The following PTPRJ variants were observed in gnomAD, a reference collection of about 807,000 sequenced individuals.
The protein encoded by PTPRJ is protein tyrosine phosphatase receptor type J.
Under a neutral mutation model 141.3 loss-of-function variants are expected in PTPRJ, and 129 were observed. The ratio of observed to expected loss-of-function variants is 0.91; its 90% CI spans 0.79 to 1.06. The LOEUF (loss-of-function observed/expected upper bound fraction) is 1.06, where lower values mean the gene tolerates loss of function less well. PTPRJ is among the 50% of genes least tolerant of loss of function. PTPRJ has a pLI of 0.00. For missense variants in PTPRJ, 1,601 were observed against 1,679.7 expected, an observed-to-expected ratio of 0.95 and a Z score of 0.82; for synonymous variants, 610 against 640.5, an observed-to-expected ratio of 0.95 and a Z score of 0.72.
At chr11:48,066,751 A>T (rs1270142240) in intron 1 of PTPRJ, among the ~76,000 whole-genome samples, 1 of 151,672 alleles carries the variant, frequency 6.6e-6, no homozygotes, top group East Asian at 1.9e-4. Flanking sequence ...ATGTCCAACT[A>T]ATTTTTTTAT....
chr11:48,113,098 A>C lies in PTPRJ; in HGVS notation c.352+115A>C, dbSNP rs374553685. The stretch of plus-strand genomic sequence containing the variant: ...TAATTACCTAAGAAAATCTTTTTAA[A>C]AATTTTTATAAAGATAGTAATGCAT... On this transcript the variant is annotated intron_variant, in intron 3 of 24. Transcript: ENST00000418331. The C allele has an allele frequency of 1.1e-3, 923 of 839,418 alleles. 3 individuals carry two copies. The highest frequency in any genetic ancestry group is 1.4e-3 in the Non-Finnish European group (779 of 551,894). The allele number at this position is 839,418 out of a possible 1,614,324, so 52.0% of individuals were successfully genotyped here. A position where few individuals can be genotyped will look rare whatever the true frequency, so the allele number is the denominator to read the frequency against.
In PTPRJ at chr11:48,047,434, G is replaced by A. The variant is rs1271230712; in HGVS notation, c.97-62624G>A. ...CCTGCTGCAGGGGTCTCCCGGTTAG[G>A]GTTAGGGTGAAAAGCTTTTTAAAAT... On this transcript the variant is annotated intron_variant, in intron 1 of 24. Coordinates refer to ENST00000418331, the MANE Select transcript of PTPRJ (RefSeq NM_002843.4). 2.6e-5 allele frequency among the ~76,000 whole-genome samples: 4 copies of A among 152,186 alleles called. No homozygotes were observed. In the East Asian group the frequency reaches 7.7e-4, roughly 29 times the overall value.
chr11:48,124,785 G>A (rs564099685), intron 5 of PTPRJ, among the ~76,000 whole-genome samples, 183 bp from the exon 6 acceptor site: 1 of 152,322 alleles, frequency 6.6e-6, no homozygotes, highest in South Asian at 2.1e-4. Flanking sequence ...AAATGGAGAT[G>A]GAGCTATCAG....
intron 1 of PTPRJ, among the ~76,000 whole-genome samples, chr11:48,098,924 T>C (rs916283508): frequency 1.3e-5 from 2 of 152,220 alleles, no homozygotes; most frequent in African/African-American, 4.8e-5. Context: ...TGTTCTTAAA[T>C]TGGGTTGATT....
In PTPRJ at chr11:48,003,775, C is replaced by T. The variant is rs575487034; in HGVS notation, c.96+22767C>T. 3.4e-3 allele frequency among the ~76,000 whole-genome samples: 522 copies of T among 152,260 alleles called. 4 individuals carry two copies. The highest frequency in any genetic ancestry group is 3.9e-3 in the Non-Finnish European group (266 of 68,016). On this transcript the variant is annotated intron_variant, in intron 1 of 24. Transcript: ENST00000418331. ...CTCCTCAAAGTGTTGGGATTACAGG[C>T]GTGAGCCACCGTGCCCAGCCAATAT...
At chr11:48,015,420 C>T (rs1447877551) in intron 1 of PTPRJ, among the ~76,000 whole-genome samples, 3 of 152,092 alleles carry the variant, frequency 2.0e-5, no homozygotes, top group African/African-American at 7.2e-5. Context: ...ATGTGCTGAT[C>T]TTACCCCAAC....
chr11:48,043,856 C>T (rs753072524), intron 1 of PTPRJ, among the ~76,000 whole-genome samples: 3 of 152,110 alleles, frequency 2.0e-5, no homozygotes, highest in Admixed American at 6.5e-5. Flanking sequence ...GTGGAGGAAG[C>T]GGGGGTTTAA....
chr11:48,155,747 A>G, intron 19 of PTPRJ, 54 bp from the exon 20 acceptor site: 2 of 1,439,212 alleles, frequency 1.4e-6, no homozygotes, highest in South Asian at 1.2e-5. Context: ...TTTGTGTCCA[A>G]CTTTACTAAA....
intron 1 of PTPRJ, among the ~76,000 whole-genome samples, chr11:48,036,860 C>T (rs955386410): frequency 6.6e-6 from 1 of 152,234 alleles, no homozygotes; most frequent in Admixed American, 6.5e-5. Context: ...AGCTGCTTCT[C>T]ACCTGGGTAG....
At chr11:48,132,364 CA>C (rs982073000) in intron 8 of PTPRJ, 37 of 971,716 alleles carry the variant, frequency 3.8e-5, no homozygotes, top group South Asian at 1.9e-4. Context: ...GACCCTGTCT[CA>C]AAAAAAAATT....
In PTPRJ at chr11:48,093,764, T is replaced by C. The variant is rs772734016; in HGVS notation, c.97-16294T>C. On this transcript the variant is annotated intron_variant, in intron 1 of 24. Transcript: ENST00000418331. The stretch of plus-strand genomic sequence containing the variant: ...GAGTTTATTTGGGTTTCTTATAAAA[T>C]GTAATTTCTCAAGAAGATTTTGCTG... Among the ~76,000 whole-genome samples, 73 of 148,860 alleles carry C rather than the reference T, an allele frequency of 4.9e-4. 2 individuals carry two copies. The highest frequency in any genetic ancestry group is 1.0e-4 in the Non-Finnish European group (7 of 67,058).
rs188715615 is a variant in PTPRJ, at chr11:48,064,690, G to A, written c.97-45368G>A. ...GAGATCTCAGTTCACTGCAACCACC[G>A]CCTCCTGGGTTCAAGCAATTCTCCT... On this transcript the variant is annotated intron_variant, in intron 1 of 24. Coordinates refer to ENST00000418331, the MANE Select transcript of PTPRJ (RefSeq NM_002843.4). Among the ~76,000 whole-genome samples the A allele has an allele frequency of 2.6e-4, 39 of 152,028 alleles. No homozygotes were observed. The East Asian group carries it at 5.8e-3, about 23-fold the overall frequency.
In PTPRJ at chr11:48,112,883, T is replaced by A; in HGVS notation, c.252T>A (p.Ser84Arg). ...TGTPQVETNTSEDGESSGAND... is the reference protein window; with the variant it reads ...TGTPQVETNTREDGESSGAND... ...CACCTCAGGTGGAAACAAACACCAG[T>A]GAGGATGGTGAAAGCTCTGGAGCCA... The change falls in exon 3 of 25, where the codon AGT (serine) becomes AGA (arginine). Residue 84 changes from serine (S) to arginine (R), a missense_variant. Coordinates refer to ENST00000418331, the MANE Select transcript of PTPRJ (RefSeq NM_002843.4). 1 of 1,613,886 alleles carries A rather than the reference T, an allele frequency of 6.2e-7. No individual in the cohort carries two copies. The highest frequency in any genetic ancestry group is 8.5e-7 in the Non-Finnish European group (1 of 1,179,910).
chr11:48,119,018 C>CAAAAAAA (rs59349969), intron 3 of PTPRJ, among the ~76,000 whole-genome samples: 11 of 87,048 alleles, frequency 1.3e-4, no homozygotes, highest in East Asian at 3.6e-4. Context: ...GACTTCGTCT[C>CAAAAAAA]AAAAAAAAAA....
chr11:48,127,922 C>G lies in PTPRJ; in HGVS notation c.1236C>G (p.Leu412=). 1.2e-6 allele frequency: 2 copies of G among 1,614,204 alleles called. No individual in the cohort carries two copies. The highest frequency in any genetic ancestry group is 8.5e-7 in the Non-Finnish European group (1 of 1,180,036). Residue 412 remains leucine, a synonymous_variant, in exon 7 of 25, where the codon CTC becomes CTG. Coordinates refer to ENST00000418331, the MANE Select transcript of PTPRJ (RefSeq NM_002843.4). ...CGGGGGAGACAGATTCTTCCAATCTCAACGTCAGTGAGCCTCGCGCTGTCA... is the reference window on the plus strand; with the variant it reads ...CGGGGGAGACAGATTCTTCCAATCTGAACGTCAGTGAGCCTCGCGCTGTCA... ...HVAGETDSSN[L]NVSEPRAVIP... is the part of the protein sequence containing the mutation.
At chr11:48,093,589 G>A (rs533365770) in intron 1 of PTPRJ, among the ~76,000 whole-genome samples, 123 of 152,088 alleles carry the variant, frequency 8.1e-4, no homozygotes, top group African/African-American at 2.5e-3. Flanking sequence ...AATGAAACCC[G>A]GAAATGAAGG....
Position 48,136,249 on chromosome 11 carries a change from A to C in PTPRJ, c.1826A>C (p.Glu609Ala), listed in dbSNP as rs1462430668. 6.2e-7 allele frequency: 1 copy of C among 1,614,200 alleles called. No homozygotes were observed. Among genetic ancestry groups the C allele is most frequent in the East Asian group, 2.2e-5 (1 of 44,884 alleles). ...GTLYNITISP[E>A]VDHVWGDPNS... ...TTATATAACATCACCATCTCTCCAGAAGTGGACCACGTCTGGGGGGACCCC... is the reference window on the plus strand; with the variant it reads ...TTATATAACATCACCATCTCTCCAGCAGTGGACCACGTCTGGGGGGACCCC... Residue 609 changes from glutamate (E) to alanine (A), a missense_variant, in exon 9 of 25, where the codon GAA (glutamate) becomes GCA (alanine). Glu to Ala is a moderately radical substitution (Grantham distance 107, BLOSUM62 -1). Transcript: ENST00000418331.
intron 1 of PTPRJ, among the ~76,000 whole-genome samples, chr11:47,985,130 C>T (rs1047944584): frequency 1.3e-5 from 2 of 151,910 alleles, no homozygotes; most frequent in Non-Finnish European, 2.9e-5. Context: ...GGATTACAGG[C>T]GTGAGCCACC....
At chr11:48,056,744 G>C (rs1565280475) in intron 1 of PTPRJ, among the ~76,000 whole-genome samples, 1 of 152,182 alleles carries the variant, frequency 6.6e-6, no homozygotes, top group Non-Finnish European at 1.5e-5. Flanking sequence ...TCTGAGGTCA[G>C]GAGTTCGAGA....
Sources: allele counts gnomAD v4.1 joint callset (sites outside exome capture counted in the v4.1 genomes callset), GRCh38; gene constraint gnomAD v4.1.1; transcripts MANE v1.5; gene names NCBI Gene and HGNC (gene_info 2026-07-23, HGNC 2026-07-21).